Variants in CDK6 observed in about 807,000 individuals in gnomAD.
CDK6 encodes the protein cyclin-dependent kinase 6.
CDK6 carries 6 observed loss-of-function variants against 37.1 expected under a neutral mutation model. That is an observed-to-expected ratio of 0.16 (90% confidence interval 0.09 to 0.32). The LOEUF is 0.32. Among genes scored for constraint, CDK6 ranks in the 10% least tolerant of loss-of-function variants. The pLI, the probability that CDK6 is intolerant of heterozygous loss-of-function variation, is 1.00. For synonymous variants in CDK6, 160 were observed against 161.3 expected (o/e 0.99, Z 0.06); for missense variants, 224 against 418.9 (o/e 0.53, Z 4.06).
In CDK6 at chr7:92,827,863, A is replaced by AATAGTGTGATTAGTTCCTCAGAAGGC. The variant is rs1459731898; in HGVS notation, c.233+5202_233+5227dup. Among the ~76,000 whole-genome samples, 6 of 152,276 alleles carry AATAGTGTGATTAGTTCCTCAGAAGGC rather than the reference A, an allele frequency of 3.9e-5. No homozygotes were observed. In the East Asian group the frequency reaches 1.2e-3, roughly 29 times the overall value. On this transcript the variant is annotated intron_variant, in intron 2 of 7. Coordinates refer to ENST00000424848, the MANE Select transcript of CDK6 (RefSeq NM_001145306.2). ...TCATCTGAACCTCATGAGAAAGAACAATAGTGTGATTAGTTCCTCAGAAGG... is the reference window on the plus strand; with the variant it reads ...TCATCTGAACCTCATGAGAAAGAACAATAGTGTGATTAGTTCCTCAGAAGGCATAGTGTGATTAGTTCCTCAGAAGG...
chr7:92,720,359 A>G (rs1798337269), intron 4 of CDK6, among the ~76,000 whole-genome samples: 1 of 152,210 alleles, frequency 6.6e-6, no homozygotes, highest in Non-Finnish European at 1.5e-5. Context: ...GGCCAGAGCC[A>G]GAATATAAAC....
intron 3 of CDK6, among the ~76,000 whole-genome samples, chr7:92,729,515 A>G (rs2115573369): frequency 6.6e-6 from 1 of 152,306 alleles, no homozygotes; most frequent in East Asian, 1.9e-4. Context: ...ACAGGACACC[A>G]TTGTGGAATG....
At chr7:92,676,302 C>T (rs1355361272) in intron 4 of CDK6, among the ~76,000 whole-genome samples, 2 of 151,986 alleles carry the variant, frequency 1.3e-5, no homozygotes. Context: ...TTATTTATGG[C>T]TATCTTTGAA....
Position 92,613,623 on chromosome 7 carries a change from C to G in CDK6, c.*1517G>C, listed in dbSNP as rs1021460819. 1.3e-5 allele frequency: 3 copies of G among 233,156 alleles called. No individual in the cohort carries two copies. Among genetic ancestry groups the G allele is most frequent in the Admixed American group, 5.6e-5 (1 of 17,772 alleles). 14.4% of individuals were successfully genotyped at this position (233,156 alleles called of 1,614,324 possible). A position where few individuals can be genotyped will look rare whatever the true frequency, so the allele number is the denominator to read the frequency against. ...CACAAGGCACTAGAAATAAGCACAG[C>G]CTGGGGGATGGAGAAAAGATCATTT... On this transcript the variant is annotated 3_prime_UTR_variant, in exon 8 of 8. Transcript: ENST00000424848.
chr7:92,733,484 A>G (rs551203836), intron 3 of CDK6, among the ~76,000 whole-genome samples: 1 of 152,348 alleles, frequency 6.6e-6, no homozygotes, highest in African/African-American at 2.4e-5. Flanking sequence ...TTCTAAATGG[A>G]ATGCGAATGC....
intron 2 of CDK6, among the ~76,000 whole-genome samples, chr7:92,775,531 G>A (rs893864127): frequency 6.6e-6 from 1 of 152,090 alleles, no homozygotes; most frequent in African/African-American, 2.4e-5. Context: ...TGTTTTGGAT[G>A]GGTGAATCCA....
chr7:92,741,433 C>T (rs980903757), intron 3 of CDK6, among the ~76,000 whole-genome samples: 49 of 152,140 alleles, frequency 3.2e-4, no homozygotes, highest in African/African-American at 1.1e-3. Flanking sequence ...GTTGTTTCTT[C>T]GAAATTCAAG....
At chr7:92,777,632 T>C (rs1424377643) in intron 2 of CDK6, among the ~76,000 whole-genome samples, 3 of 152,236 alleles carry the variant, frequency 2.0e-5, no homozygotes, top group Non-Finnish European at 4.4e-5. Context: ...TTGGTTACTG[T>C]AGCCTTGTAG....
At chr7:92,751,785 T>C (rs930307892) in intron 3 of CDK6, among the ~76,000 whole-genome samples, 4 of 152,172 alleles carry the variant, frequency 2.6e-5, no homozygotes, top group African/African-American at 4.8e-5. Flanking sequence ...AATCCTATCA[T>C]TTATACCATG....
chr7:92,655,368 T>C (rs1339604601), intron 5 of CDK6, among the ~76,000 whole-genome samples: 2 of 152,098 alleles, frequency 1.3e-5, no homozygotes, highest in African/African-American at 4.8e-5. Context: ...GTAAAAAAGG[T>C]ACTAGGTTAG....
chr7:92,748,869 C>T (rs1430650697), intron 3 of CDK6, among the ~76,000 whole-genome samples: 1 of 152,118 alleles, frequency 6.6e-6, no homozygotes, highest in Non-Finnish European at 1.5e-5. Flanking sequence ...GATTTTGCAA[C>T]TTAAGATCAA....
chr7:92,784,120 C>A (rs1342548237), intron 2 of CDK6, among the ~76,000 whole-genome samples: 1 of 151,770 alleles, frequency 6.6e-6, no homozygotes, highest in Non-Finnish European at 1.5e-5. Context: ...GAAGGCATAT[C>A]ATAAAATGCG....
At chr7:92,714,172 G>A (rs1178526627) in intron 4 of CDK6, among the ~76,000 whole-genome samples, 1 of 152,112 alleles carries the variant, frequency 6.6e-6, no homozygotes, top group Non-Finnish European at 1.5e-5. Context: ...TGCACGGGAG[G>A]GTAGGTACTT....
At chr7:92,775,112 CTTAG>C (rs1159058750) in intron 2 of CDK6, among the ~76,000 whole-genome samples, 2 of 152,136 alleles carry the variant, frequency 1.3e-5, no homozygotes, top group African/African-American at 4.8e-5. Flanking sequence ...GGAGAGTTTC[CTTAG>C]TTAGGACCTT....
At chr7:92,668,892 T>C (rs917018545) in intron 5 of CDK6, among the ~76,000 whole-genome samples, 4 of 152,222 alleles carry the variant, frequency 2.6e-5, no homozygotes, top group African/African-American at 7.2e-5. Context: ...TAAAGGCATA[T>C]GAACCTGGTT....
intron 4 of CDK6, among the ~76,000 whole-genome samples, chr7:92,686,707 T>C (rs1797463369): frequency 1.3e-5 from 2 of 152,212 alleles, no homozygotes; most frequent in Non-Finnish European, 2.9e-5. Flanking sequence ...ATCTCCACAC[T>C]GTTTTCTATA....
rs566761067 is a variant in CDK6, at chr7:92,784,537, A to G, written c.234-9706T>C. ...AGTCTTTCCTTAACAGTTACCTTCA[A>G]TCAGCCACTCCAAAAACATAAATAT... is the stretch of plus-strand genomic sequence containing the variant. On this transcript the variant is annotated intron_variant, in intron 2 of 7. Transcript: ENST00000424848. Among the ~76,000 whole-genome samples the G allele has an allele frequency of 2.4e-4, 37 of 152,306 alleles. 1 individual carries two copies. In the South Asian group the frequency reaches 7.7e-3, roughly 32 times the overall value.
intron 4 of CDK6, among the ~76,000 whole-genome samples, chr7:92,724,570 ATTTCTAC>A (rs1388044339): frequency 6.6e-6 from 1 of 152,128 alleles, no homozygotes; most frequent in Non-Finnish European, 1.5e-5. Context: ...CCTCTCTTGA[ATTTCTAC>A]TTATCAGCTG....
rs1398693603 is a variant in CDK6, at chr7:92,725,752, A to G, written c.411T>C (p.His137=). ...FQLLRGLDFL[H]SHRVVHRDLK... is the part of the protein sequence containing the mutation. The stretch of plus-strand genomic sequence containing the variant: ...GATCGCGATGCACTACTCGGTGTGA[A>G]TGAAGAAAGTCCAGACCTCGGAGAA... Residue 137 remains histidine, a synonymous_variant, in exon 4 of 8, where the codon CAT becomes CAC. Coordinates refer to ENST00000424848, the MANE Select transcript of CDK6 (RefSeq NM_001145306.2). 1 of 1,613,934 alleles carries G rather than the reference A, an allele frequency of 6.2e-7. No individual in the cohort carries two copies. The highest frequency in any genetic ancestry group is 8.5e-7 in the Non-Finnish European group (1 of 1,179,936).
Sources: gnomAD v4.1 joint callset for allele counts (sites outside exome capture counted in the v4.1 genomes callset) on GRCh38, gnomAD v4.1.1 for gene constraint, MANE v1.5 for transcripts, NCBI Gene and HGNC (gene_info 2026-07-23, HGNC 2026-07-21) for gene names.